The following TULP4 variants were observed in gnomAD, a reference collection of about 807,000 sequenced individuals.
The protein encoded by TULP4 is TUB like protein 4, also known as tubby-related protein 4.
TULP4 carries 16 observed loss-of-function variants against 129.0 expected under a neutral mutation model. The observed-to-expected ratio is 0.12, with a 90% CI of 0.08 to 0.19. The LOEUF is 0.19. TULP4 is among the 10% of genes least tolerant of loss of function. TULP4 has a pLI of 1.00. For synonymous variants in TULP4, 998 were observed against 854.0 expected (o/e 1.17, Z -2.94); for missense variants, 1,842 against 2,059.1 (o/e 0.89, Z 2.04).
chr6:158,378,730 C>A (rs1562541917), intron 1 of TULP4, among the ~76,000 whole-genome samples: 1 of 151,932 alleles, frequency 6.6e-6, no homozygotes, highest in Non-Finnish European at 1.5e-5. Flanking sequence ...GGTGATCTGC[C>A]TGCCTCCGCC....
At chr6:158,282,383 G>A (rs1281884553) in intron 1 of TULP4, 1 of 151,974 alleles carries the variant, frequency 6.6e-6, no homozygotes, top group Non-Finnish European at 1.5e-5. Flanking sequence ...TAAAAGGTAA[G>A]CTTTTGATAA....
At position 158,508,890 on chromosome 6, in the gene TULP4, T is replaced by G. The variant is rs1453192505; in HGVS notation, c.*2196T>G. ...GATATGATAGAAGGTTTTTTTTTTT[T>G]TTTTTTTTTTTTTTTGAGACGGAGT... On this transcript the variant is annotated 3_prime_UTR_variant, in exon 14 of 14. Transcript: ENST00000367097. 4.4e-5 allele frequency: 6 copies of G among 137,170 alleles called. No individual in the cohort carries two copies. Among genetic ancestry groups the G allele is most frequent in the East Asian group, 2.0e-4 (1 of 4,918 alleles). The allele number at this position is 137,170 out of a possible 1,614,324, so 8.5% of individuals were successfully genotyped here. A position where few individuals can be genotyped will look rare whatever the true frequency, so the allele number is the denominator to read the frequency against.
At chr6:158,425,248 T>C (rs953145390) in intron 2 of TULP4, among the ~76,000 whole-genome samples, 3 of 148,952 alleles carry the variant, frequency 2.0e-5, no homozygotes, top group South Asian at 2.1e-4. Flanking sequence ...GTGCGGTGGC[T>C]CACACATGTA....
chr6:158,362,219 C>G (rs1228152564), intron 1 of TULP4, among the ~76,000 whole-genome samples: 3 of 152,198 alleles, frequency 2.0e-5, no homozygotes, highest in Non-Finnish European at 4.4e-5. Flanking sequence ...TCCAATATAT[C>G]CTGCAAAATG....
rs143987686 is a variant in TULP4 at position 158,494,862 on chromosome 6, T to A, written c.1870+16T>A. 8.8e-5 allele frequency: 142 copies of A among 1,609,476 alleles called. No homozygotes were observed. In the African/African-American group the frequency reaches 1.4e-3, roughly 15 times the overall value. ...CTCGGTGCAGGTAAAAATCATGTCC[T>A]CTTCTCTCATTGTCCCAGTTGGAAC... On this transcript the variant is annotated intron_variant, in intron 11 of 13. Coordinates refer to ENST00000367097, the MANE Select transcript of TULP4 (RefSeq NM_020245.5).
intron 1 of TULP4, among the ~76,000 whole-genome samples, chr6:158,320,649 C>T (rs1779604611): frequency 6.6e-6 from 1 of 152,150 alleles, no homozygotes; most frequent in Non-Finnish European, 1.5e-5. Context: ...CCAGGCTGGT[C>T]TCAAACTCCT....
At chr6:158,476,500 G>A (rs546546105) in intron 6 of TULP4, among the ~76,000 whole-genome samples, 19 of 152,054 alleles carry the variant, frequency 1.2e-4, no homozygotes, top group African/African-American at 4.3e-4. Flanking sequence ...ATTCCAAGTC[G>A]TCCGAGCGAA....
intron 1 of TULP4, among the ~76,000 whole-genome samples, chr6:158,323,506 C>T (rs1349211148): frequency 6.7e-6 from 1 of 148,960 alleles, no homozygotes; most frequent in East Asian, 2.0e-4. Flanking sequence ...CGTTTCTGTT[C>T]ATGTGAGCAT....
Position 158,452,034 on chromosome 6 carries a change from T to C in TULP4, c.725-100T>C, listed in dbSNP as rs114987504. The stretch of plus-strand genomic sequence containing the variant: ...CCAATCCAGAGTAGGATCTGCATTG[T>C]CAGGCAATTTCTAAGGCACCATGCA... On this transcript the variant is annotated intron_variant, in intron 4 of 13. Coordinates refer to ENST00000367097, the MANE Select transcript of TULP4 (RefSeq NM_020245.5). The C allele has an allele frequency of 2.8e-4, 436 of 1,543,218 alleles. 1 individual carries two copies. The African/African-American group carries it at 5.1e-3, about 18-fold the overall frequency.
intron 1 of TULP4, among the ~76,000 whole-genome samples, chr6:158,369,939 G>A (rs1374990580): frequency 6.6e-6 from 1 of 152,160 alleles, no homozygotes; most frequent in Non-Finnish European, 1.5e-5. Context: ...TATAATTCCA[G>A]CACTTCAGGA....
intron 1 of TULP4, among the ~76,000 whole-genome samples, chr6:158,407,780 G>A (rs1258003430): frequency 6.6e-6 from 1 of 152,204 alleles, no homozygotes; most frequent in African/African-American, 2.4e-5. Flanking sequence ...TCCAGAGTAG[G>A]CAAATCTGTA....
At chr6:158,351,362 T>C (rs1780515497) in intron 1 of TULP4, among the ~76,000 whole-genome samples, 1 of 152,196 alleles carries the variant, frequency 6.6e-6, no homozygotes, top group Non-Finnish European at 1.5e-5. Flanking sequence ...AGTCTTCTTA[T>C]GAGGCTGAGG....
chr6:158,476,966 C>T (rs1415872719), intron 6 of TULP4, among the ~76,000 whole-genome samples: 1 of 152,134 alleles, frequency 6.6e-6, no homozygotes, highest in Non-Finnish European at 1.5e-5. Context: ...ACCTAGCCTG[C>T]CTTAGCCTCT....
chr6:158,235,143 A>G (rs1583660290), intron 1 of TULP4, among the ~76,000 whole-genome samples: 1 of 151,546 alleles, frequency 6.6e-6, no homozygotes, highest in Admixed American at 6.6e-5. Context: ...GCACCACTGC[A>G]CTCCAGCCTG....
intron 1 of TULP4, among the ~76,000 whole-genome samples, chr6:158,358,498 C>T (rs997393864): frequency 6.6e-6 from 1 of 152,150 alleles, no homozygotes; most frequent in Non-Finnish European, 1.5e-5. Flanking sequence ...GGCAGTTAGC[C>T]CTTGAGGGTG....
intron 1 of TULP4, among the ~76,000 whole-genome samples, chr6:158,370,145 G>A (rs1418235324): frequency 1.3e-5 from 2 of 152,126 alleles, no homozygotes; most frequent in African/African-American, 2.4e-5. Context: ...CCTGGAGGTC[G>A]AGGCTGCAGT....
At chr6:158,390,867 G>A (rs548801058) in intron 1 of TULP4, among the ~76,000 whole-genome samples, 32 of 152,288 alleles carry the variant, frequency 2.1e-4, no homozygotes, top group Non-Finnish European at 3.5e-4. Context: ...ACTTTGGGCC[G>A]CCAAGGTGGG....
At chr6:158,431,453 G>T (rs1007156496) in intron 3 of TULP4, among the ~76,000 whole-genome samples, 2 of 152,304 alleles carry the variant, frequency 1.3e-5, no homozygotes, top group South Asian at 4.1e-4. Flanking sequence ...GTGCCAGCCA[G>T]TGTCCCCAGC....
chr6:158,333,326 G>A (rs956698262), intron 1 of TULP4, among the ~76,000 whole-genome samples: 1 of 152,322 alleles, frequency 6.6e-6, no homozygotes, highest in Non-Finnish European at 1.5e-5. Flanking sequence ...ACATCGGAGA[G>A]CTTGCGCGAA....
Sources: allele counts gnomAD v4.1 joint callset (sites outside exome capture counted in the v4.1 genomes callset), GRCh38; gene constraint gnomAD v4.1.1; transcripts MANE v1.5; gene names NCBI Gene and HGNC (gene_info 2026-07-23, HGNC 2026-07-21).